CUX2: variants seen among roughly 807,000 people sequenced by gnomAD.
CUX2 encodes cut like homeobox 2.
A neutral mutation model predicts 144.8 loss-of-function variants in CUX2; 40 were observed. The observed-to-expected ratio is 0.28, with a 90% CI of 0.21 to 0.36. The LOEUF is 0.36. Among genes scored for constraint, CUX2 ranks in the 10% least tolerant of loss-of-function variants. The pLI is 1.00. For synonymous variants in CUX2, 827 were observed against 875.6 expected (o/e 0.94, Z 0.98); for missense variants, 1,615 against 1,994.0 (o/e 0.81, Z 3.62).
At chr12:111,217,652 T>C (rs573042670) in intron 2 of CUX2, among the ~76,000 whole-genome samples, 4 of 151,676 alleles carry the variant, frequency 2.6e-5, no homozygotes, top group Non-Finnish European at 5.9e-5. Flanking sequence ...CAACATGCAT[T>C]ATATGAAAGA....
At chr12:111,056,845 A>C (rs1870549943) in intron 1 of CUX2, among the ~76,000 whole-genome samples, 1 of 152,208 alleles carries the variant, frequency 6.6e-6, no homozygotes, top group African/African-American at 2.4e-5. Context: ...GCTGGTTGTG[A>C]CAGGCTGTAA....
intron 20 of CUX2, 88 bp from the exon 21 acceptor site, chr12:111,341,692 A>G (rs1888584077): frequency 7.0e-7 from 1 of 1,436,702 alleles, no homozygotes. Context: ...GGCCTGACAG[A>G]TGCACTCCCA....
intron 1 of CUX2, among the ~76,000 whole-genome samples, chr12:111,198,756 GGATT>G (rs1374909371): frequency 6.6e-6 from 1 of 152,218 alleles, no homozygotes; most frequent in Non-Finnish European, 1.5e-5. Context: ...GGATGGGGAG[GGATT>G]GCAGGCTGCA....
At position 111,115,047 on chromosome 12, in the gene CUX2, C is replaced by T. The variant is rs559656015; in HGVS notation, c.63+80807C>T. On this transcript the variant is annotated intron_variant, in intron 1 of 21. Coordinates refer to ENST00000261726, the MANE Select transcript of CUX2 (RefSeq NM_015267.4). ...AATATGTCTATCCTTATAGCATTACCGTACTTTATTGATTACTATATCTTC... is the reference window on the plus strand; with the variant it reads ...AATATGTCTATCCTTATAGCATTACTGTACTTTATTGATTACTATATCTTC... Among the ~76,000 whole-genome samples the T allele has an allele frequency of 2.2e-4, 33 of 152,102 alleles. No individual in the cohort carries two copies. In the South Asian group the frequency reaches 2.3e-3, roughly 11 times the overall value.
intron 1 of CUX2, among the ~76,000 whole-genome samples, chr12:111,189,438 G>A (rs1350754940): frequency 2.6e-5 from 4 of 152,322 alleles, no homozygotes; most frequent in Admixed American, 6.5e-5. Flanking sequence ...AAATGGAATC[G>A]TACAGTGTGT....
At chr12:111,189,529 T>C (rs1245407353) in intron 1 of CUX2, among the ~76,000 whole-genome samples, 1 of 152,274 alleles carries the variant, frequency 6.6e-6, no homozygotes, top group Non-Finnish European at 1.5e-5. Flanking sequence ...AGTTGATTCA[T>C]GCTCGTGGCC....
In CUX2 at chr12:111,348,102, T is replaced by C; in HGVS notation, c.4238T>C (p.Val1413Ala). The change falls in exon 22 of 22, where the codon GTC (valine) becomes GCC (alanine). Residue 1413 changes from valine to alanine, a missense_variant. Transcript: ENST00000261726. ...SPGLMMSVSP[V>A]PSSSAPISPS... Reference sequence around the variant, plus strand: ...GGCCTCATGATGTCTGTGTCACCTGTCCCCTCCTCCTCAGCTCCCATCTCC... The same window carrying C: ...GGCCTCATGATGTCTGTGTCACCTGCCCCCTCCTCCTCAGCTCCCATCTCC... 5 of 1,613,984 alleles carry C rather than the reference T, an allele frequency of 3.1e-6. No individual in the cohort carries two copies. The highest frequency in any genetic ancestry group is 4.2e-6 in the Non-Finnish European group (5 of 1,180,002).
intron 1 of CUX2, among the ~76,000 whole-genome samples, chr12:111,175,522 C>G (rs1039648087): frequency 6.6e-6 from 1 of 152,104 alleles, no homozygotes; most frequent in Non-Finnish European, 1.5e-5. Context: ...GCACCCCATG[C>G]CTTTGAGTGG....
At chr12:111,275,861 G>A (rs993542947) in intron 4 of CUX2, among the ~76,000 whole-genome samples, 1 of 151,988 alleles carries the variant, frequency 6.6e-6, no homozygotes, top group Non-Finnish European at 1.5e-5. Flanking sequence ...CAGGAGAGGC[G>A]GCCCAGGCTC....
chr12:111,233,210 C>G (rs1179347611), intron 3 of CUX2, among the ~76,000 whole-genome samples: 1 of 152,152 alleles, frequency 6.6e-6, no homozygotes, highest in Non-Finnish European at 1.5e-5. Flanking sequence ...GCCCTGGCCC[C>G]CAGTCTCTCC....
chr12:111,079,833 G>A (rs2136041081), intron 1 of CUX2, among the ~76,000 whole-genome samples: 1 of 152,250 alleles, frequency 6.6e-6, no homozygotes, highest in South Asian at 2.1e-4. Flanking sequence ...GACTGGGTGG[G>A]AGGACGCCTC....
At chr12:111,188,289 G>A (rs528476992) in intron 1 of CUX2, among the ~76,000 whole-genome samples, 4 of 152,348 alleles carry the variant, frequency 2.6e-5, no homozygotes, top group South Asian at 2.1e-4. Context: ...GGAAGAGGAC[G>A]ATGCAGTGTG....
chr12:111,315,431 A>T (rs543169754), intron 16 of CUX2, among the ~76,000 whole-genome samples: 2 of 152,314 alleles, frequency 1.3e-5, no homozygotes, highest in African/African-American at 4.8e-5. Context: ...ATAAGAAAAA[A>T]TGGGGCCGGG....
At chr12:111,130,596 C>G (rs1204410338) in intron 1 of CUX2, among the ~76,000 whole-genome samples, 1 of 152,120 alleles carries the variant, frequency 6.6e-6, no homozygotes, top group Non-Finnish European at 1.5e-5. Flanking sequence ...TGATGGGGCT[C>G]CCCCAAAAAA....
At chr12:111,332,680 C>G (rs1888174145) in intron 18 of CUX2, among the ~76,000 whole-genome samples, 1 of 152,186 alleles carries the variant, frequency 6.6e-6, no homozygotes, top group Non-Finnish European at 1.5e-5. Flanking sequence ...AAACTCCCTG[C>G]ACTGTACCCA....
intron 3 of CUX2, among the ~76,000 whole-genome samples, chr12:111,251,540 G>A (rs1180531815): frequency 6.6e-6 from 1 of 152,192 alleles, no homozygotes; most frequent in Non-Finnish European, 1.5e-5. Context: ...TCCAAGCCGT[G>A]AAAGCCAGCC....
intron 19 of CUX2, 100 bp downstream of exon 19, chr12:111,334,810 T>A: frequency 1.5e-6 from 2 of 1,326,690 alleles, no homozygotes; most frequent in Non-Finnish European, 1.0e-6. Flanking sequence ...GGCTCATACC[T>A]GTAATTCCAG....
intron 3 of CUX2, among the ~76,000 whole-genome samples, chr12:111,259,299 G>C (rs1297126003): frequency 6.6e-6 from 1 of 152,126 alleles, no homozygotes; most frequent in Non-Finnish European, 1.5e-5. Context: ...TAAGGGGCCA[G>C]ATAGAAAATA....
chr12:111,270,811 T>G (rs1345398380), intron 4 of CUX2, among the ~76,000 whole-genome samples: 1 of 152,112 alleles, frequency 6.6e-6, no homozygotes, highest in Non-Finnish European at 1.5e-5. Context: ...CTCACCTTGC[T>G]CCTTCTCTTG....
Sources: allele counts gnomAD v4.1 joint callset (sites outside exome capture counted in the v4.1 genomes callset), GRCh38; gene constraint gnomAD v4.1.1; transcripts MANE v1.5; gene names NCBI Gene and HGNC (gene_info 2026-07-23, HGNC 2026-07-21).